PRKG1: variants seen among roughly 807,000 people sequenced by gnomAD.
PRKG1 encodes cGMP-dependent protein kinase 1.
A neutral mutation model predicts 88.1 loss-of-function variants in PRKG1; 35 were observed. That is an observed-to-expected ratio of 0.40 (90% CI 0.30 to 0.53). The LOEUF (loss-of-function observed/expected upper bound fraction) is 0.53, where lower values mean the gene tolerates loss of function less well. Among genes scored for constraint, PRKG1 ranks in the 20% least tolerant of loss-of-function variants. The pLI, the probability that PRKG1 is intolerant of heterozygous loss-of-function variation, is 0.59. For synonymous variants in PRKG1, 303 were observed against 292.5 expected (o/e 1.04, Z -0.37); for missense variants, 540 against 839.8 (o/e 0.64, Z 4.41).
At chr10:51,046,566 G>A (rs915459642) in intron 1 of PRKG1, among the ~76,000 whole-genome samples, 4 of 152,174 alleles carry the variant, frequency 2.6e-5, no homozygotes, top group African/African-American at 9.7e-5. Context: ...TTACGTCTCC[G>A]GTTTGCACAG....
intron 5 of PRKG1, among the ~76,000 whole-genome samples, chr10:52,021,976 A>G (rs758741089): frequency 2.6e-5 from 4 of 152,236 alleles, no homozygotes; most frequent in Non-Finnish European, 5.9e-5. Context: ...GTAACTTGTC[A>G]TATAATTTGC....
rs1841560301 is a variant in PRKG1 at position 51,886,015 on chromosome 10, T to TTTC, written c.699-21489_699-21487dup. On this transcript the variant is annotated intron_variant, in intron 4 of 17. Coordinates refer to ENST00000373980, the MANE Select transcript of PRKG1 (RefSeq NM_006258.4). The stretch of plus-strand genomic sequence containing the variant: ...GTATAGTTACCTAAGTAAGGTTTCT[T>TTTC]TTCTTTTCTTTTAAAAAATATGTTT... 9.2e-5 allele frequency among the ~76,000 whole-genome samples: 14 copies of TTTC among 152,320 alleles called. No individual in the cohort carries two copies. The South Asian group carries it at 2.9e-3, about 32-fold the overall frequency.
chr10:51,750,959 A>T (rs1837709123), intron 3 of PRKG1, among the ~76,000 whole-genome samples: 1 of 152,066 alleles, frequency 6.6e-6, no homozygotes, highest in African/African-American at 2.4e-5. Context: ...TCTTGAGGTG[A>T]CTATTTTTCA....
At chr10:51,972,684 A>G (rs143945838) in intron 5 of PRKG1, among the ~76,000 whole-genome samples, 37 of 152,258 alleles carry the variant, frequency 2.4e-4, no homozygotes, top group African/African-American at 6.5e-4. Flanking sequence ...AGAATTTAAT[A>G]TCCCCAAATT....
intron 1 of PRKG1, among the ~76,000 whole-genome samples, chr10:51,093,562 T>C (rs752170059): frequency 1.7e-4 from 26 of 151,866 alleles, no homozygotes; most frequent in Non-Finnish European, 2.1e-4. Flanking sequence ...AGGTTTGCAT[T>C]TCTTTAGGTC....
intron 8 of PRKG1, among the ~76,000 whole-genome samples, chr10:52,143,199 C>T (rs1420813126): frequency 2.0e-5 from 3 of 152,088 alleles, no homozygotes; most frequent in Non-Finnish European, 4.4e-5. Flanking sequence ...GTGAAGACAC[C>T]TCCCTTCTTG....
intron 4 of PRKG1, among the ~76,000 whole-genome samples, chr10:51,848,660 T>G (rs1323957602): frequency 7.0e-6 from 1 of 142,360 alleles, no homozygotes; most frequent in Non-Finnish European, 1.5e-5. Context: ...TGTGTGTGTG[T>G]GTGTGTGTTT....
intron 3 of PRKG1, among the ~76,000 whole-genome samples, chr10:51,704,906 T>C (rs1453508653): frequency 1.3e-5 from 2 of 152,140 alleles, no homozygotes; most frequent in African/African-American, 4.8e-5. Flanking sequence ...ACCAAACTTA[T>C]CTAATCCTTT....
At chr10:51,409,659 C>T (rs540068082) in intron 2 of PRKG1, among the ~76,000 whole-genome samples, 2 of 151,858 alleles carry the variant, frequency 1.3e-5, no homozygotes, top group African/African-American at 2.4e-5. Context: ...TCAAGATCAT[C>T]CTGGTCTACA....
chr10:51,033,000 A>G (rs1305927529), intron 1 of PRKG1, among the ~76,000 whole-genome samples: 1 of 152,074 alleles, frequency 6.6e-6, no homozygotes, highest in Non-Finnish European at 1.5e-5. Flanking sequence ...TATTTCTACT[A>G]CAGTTTCTAA....
intron 3 of PRKG1, among the ~76,000 whole-genome samples, chr10:51,468,120 CAAAT>C (rs1839956674): frequency 6.6e-6 from 1 of 151,852 alleles, no homozygotes; most frequent in African/African-American, 2.4e-5. Context: ...ACATTTGAAT[CAAAT>C]AAGAGCAAGT....
chr10:51,206,131 T>A (rs1030469183), intron 2 of PRKG1, among the ~76,000 whole-genome samples: 1 of 152,170 alleles, frequency 6.6e-6, no homozygotes, highest in Non-Finnish European at 1.5e-5. Flanking sequence ...GTAGCTTACA[T>A]GCTTACTTTG....
At chr10:52,149,803 A>G (rs1420947050) in intron 8 of PRKG1, among the ~76,000 whole-genome samples, 1 of 150,378 alleles carries the variant, frequency 6.6e-6, no homozygotes, top group Non-Finnish European at 1.5e-5. Context: ...TTTTATACAC[A>G]TAATACAATA....
At chr10:51,332,810 C>A (rs1013166607) in intron 2 of PRKG1, among the ~76,000 whole-genome samples, 3 of 152,148 alleles carry the variant, frequency 2.0e-5, no homozygotes, top group Admixed American at 2.0e-4. Flanking sequence ...CTCCTTGTGC[C>A]CTGTGGAAAC....
At chr10:51,683,623 ATGT>A (rs1368285291) in intron 3 of PRKG1, among the ~76,000 whole-genome samples, 1 of 152,152 alleles carries the variant, frequency 6.6e-6, no homozygotes, top group Admixed American at 6.6e-5. Flanking sequence ...CAATGAGCTG[ATGT>A]TGAGGGCATG....
At chr10:52,226,982 C>T (rs563768831) in intron 9 of PRKG1, among the ~76,000 whole-genome samples, 1 of 152,098 alleles carries the variant, frequency 6.6e-6, no homozygotes, top group Non-Finnish European at 1.5e-5. Flanking sequence ...ATCTTATATT[C>T]TGTCAATGAC....
At chr10:52,284,660 A>T (rs1842073452) in intron 14 of PRKG1, among the ~76,000 whole-genome samples, 1 of 152,098 alleles carries the variant, frequency 6.6e-6, no homozygotes, top group African/African-American at 2.4e-5. Context: ...TGAATGTCAT[A>T]TCTAATGATC....
intron 2 of PRKG1, among the ~76,000 whole-genome samples, chr10:51,367,413 T>C (rs1842612763): frequency 6.6e-6 from 1 of 151,948 alleles, no homozygotes; most frequent in African/African-American, 2.4e-5. Context: ...TATGCAGAAG[T>C]AGGAACCAAA....
chr10:52,052,116 C>T lies in PRKG1; in HGVS notation c.763-2368C>T, dbSNP rs73341286. ...ATTTAAAAATTCAGCTTCTGAGTCA[C>T]ACTGGTCATATTTCAAATGCTCAGT... On this transcript the variant is annotated intron_variant, in intron 5 of 17. Transcript: ENST00000373980. 3.0e-3 allele frequency among the ~76,000 whole-genome samples: 451 copies of T among 152,234 alleles called. 2 individuals carry two copies. The highest frequency in any genetic ancestry group is 0.011 in the African/African-American group (438 of 41,550).
Sources: gnomAD v4.1 joint callset for allele counts (sites outside exome capture counted in the v4.1 genomes callset) on GRCh38, gnomAD v4.1.1 for gene constraint, MANE v1.5 for transcripts, NCBI Gene and HGNC (gene_info 2026-07-23, HGNC 2026-07-21) for gene names.